TSPAN1: variants seen among roughly 807,000 people sequenced by gnomAD.
TSPAN1 encodes the protein tetraspanin-1.
TSPAN1 carries 23 observed loss-of-function variants against 26.9 expected under a neutral mutation model. That is an observed-to-expected ratio of 0.85 (90% CI 0.62 to 1.21). TSPAN1 has a LOEUF of 1.21. Ranked by LOEUF, TSPAN1 falls within the 50% of genes most tolerant of loss-of-function variation. TSPAN1 has a pLI of 0.00. For synonymous variants in TSPAN1, 115 were observed against 114.8 expected (o/e 1.00, Z -0.01); for missense variants, 283 against 298.4 (o/e 0.95, Z 0.38).
chr1:46,188,719 T>C (rs570689044), downstream of TSPAN1: 27 of 1,602,940 alleles, frequency 1.7e-5, no homozygotes, highest in East Asian at 5.8e-4. Flanking sequence ...AATGACCAAC[T>C]TATCCAGCTT....
At chr1:46,186,335 G>A (rs1263463371), downstream of TSPAN1, among the ~76,000 whole-genome samples, 4 of 152,018 alleles carry the variant, frequency 2.6e-5, no homozygotes, top group Non-Finnish European at 5.9e-5. Context: ...CCCTTCAGGA[G>A]CCCCCTTCCT....
chr1:46,194,225 G>A, the TSPAN1 span: 7 of 1,614,010 alleles, frequency 4.3e-6, no homozygotes, highest in South Asian at 1.1e-5. Context: ...GGGCCCCCCT[G>A]CTGAGCTGGG....
chr1:46,186,594 G>T (rs1557666483), downstream of TSPAN1, among the ~76,000 whole-genome samples: 1 of 145,590 alleles, frequency 6.9e-6, no homozygotes, highest in African/African-American at 2.6e-5. Context: ...GGTTCAAGCA[G>T]TTCTCCTGCC....
chr1:46,184,526 G>GA, intron 4 of TSPAN1, 68 bp from the exon 5 acceptor site: 2 of 1,605,746 alleles, frequency 1.2e-6, no homozygotes, highest in Admixed American at 3.3e-5. Flanking sequence ...TTCCGGGGGG[G>GA]GGATTAGGGC....
Position 46,184,396 on chromosome 1 carries a change from C to A in TSPAN1, c.263C>A (p.Thr88Lys). 6.2e-7 allele frequency: 1 copy of A among 1,614,018 alleles called. No homozygotes were observed. Residue 88 changes from threonine to lysine, a missense_variant and splice_region_variant, in exon 4 of 9, where the codon ACG (threonine) becomes AAG (lysine). Transcript: ENST00000372003. ...ACTGAGAGCAAGTGTGCCCTCGTGA[C>A]GGTGTGTGAAACCCAGCTCCACAGG... ...AKTESKCALV[T>K]FFFILLLIFI... is the part of the protein sequence containing the mutation.
chr1:46,191,056 T>C, the TSPAN1 span: 3 of 425,534 alleles, frequency 7.0e-6, no homozygotes, highest in Non-Finnish European at 1.3e-5. Flanking sequence ...TCCCTGCCTC[T>C]TGTAGTTCTC....
chr1:46,186,569 C>A (rs1366203867), downstream of TSPAN1, among the ~76,000 whole-genome samples: 3 of 148,560 alleles, frequency 2.0e-5, no homozygotes, highest in African/African-American at 5.0e-5. Flanking sequence ...CGGCTCACTG[C>A]GGACTCTGCC....
chr1:46,188,234 C>T (rs1657482107), downstream of TSPAN1, among the ~76,000 whole-genome samples: 1 of 152,212 alleles, frequency 6.6e-6, no homozygotes, highest in Admixed American at 6.5e-5. Context: ...ACATCTCCAT[C>T]TGCACCCTAG....
At chr1:46,189,180 C>T, downstream of TSPAN1, 1 of 1,534,742 alleles carries the variant, frequency 6.5e-7, no homozygotes, top group Middle Eastern at 1.8e-4. Flanking sequence ...CAGCCCCTAC[C>T]AGCATCTACA....
chr1:46,186,473 T>TTTTTC (rs1405043826), downstream of TSPAN1, among the ~76,000 whole-genome samples: 6 of 151,354 alleles, frequency 4.0e-5, no homozygotes, highest in East Asian at 1.9e-4. Flanking sequence ...ACCTCACCTC[T>TTTTTC]TTTTCTTTTC....
the TSPAN1 span, chr1:46,193,796 G>C: frequency 6.2e-7 from 1 of 1,608,642 alleles, no homozygotes; most frequent in Non-Finnish European, 8.5e-7. Context: ...TCCTCCTGGA[G>C]GTAGATGACC....
intron 1 of TSPAN1, among the ~76,000 whole-genome samples, chr1:46,178,272 G>A (rs144338326): frequency 0.021 from 3,233 of 151,716 alleles, 110 homozygotes; most frequent in African/African-American, 0.074. Context: ...CAGGAGAATC[G>A]CTTGAAACTG....
chr1:46,187,000 G>A (rs866783575), downstream of TSPAN1, among the ~76,000 whole-genome samples: 6 of 152,078 alleles, frequency 3.9e-5, no homozygotes, highest in African/African-American at 7.2e-5. Context: ...TAGAGACAGG[G>A]TTTCACCATG....
chr1:46,194,552 C>T, the TSPAN1 span: 4 of 1,614,058 alleles, frequency 2.5e-6, no homozygotes, highest in Non-Finnish European at 3.4e-6. Flanking sequence ...ACTAACTCCA[C>T]CTTCTGCTGA....
chr1:46,190,366 G>A, downstream of TSPAN1: 1 of 1,399,594 alleles, frequency 7.1e-7, no homozygotes, highest in Non-Finnish European at 1.0e-6. Flanking sequence ...TGTTTGAGAT[G>A]AGGGCCCTGA....
Position 46,185,036 on chromosome 1 carries a change from C to T in TSPAN1, c.515C>T (p.Pro172Leu). 1.9e-6 allele frequency: 3 copies of T among 1,614,184 alleles called. No individual in the cohort carries two copies. Among genetic ancestry groups the T allele is most frequent in the Non-Finnish European group, 2.5e-6 (3 of 1,180,034 alleles). ...TTCAAAGAGAACAGTGCCTTTCCCC[C>T]ATTCTGTTGCAATGACAACGTCACC... The part of the protein sequence containing the change: ...PYFKENSAFP[P>L]FCCNDNVTNT... The change falls in exon 7 of 9, where the codon CCA becomes CTA. Residue 172 changes from proline (P) to leucine (L), a missense_variant. Coordinates refer to ENST00000372003, the MANE Select transcript of TSPAN1 (RefSeq NM_005727.4).
chr1:46,190,573 G>GT, downstream of TSPAN1: 1 of 1,541,770 alleles, frequency 6.5e-7, no homozygotes, highest in Non-Finnish European at 9.0e-7. Context: ...GGTCCCATGG[G>GT]TAGCACTGAG....
the TSPAN1 span, chr1:46,195,725 A>C: frequency 1.7e-6 from 2 of 1,169,140 alleles, no homozygotes; most frequent in Non-Finnish European, 2.5e-6. Flanking sequence ...TCTTCCCACT[A>C]TGTTATATGA....
At chr1:46,179,592 C>G (rs1453223782) in intron 1 of TSPAN1, among the ~76,000 whole-genome samples, 1 of 152,172 alleles carries the variant, frequency 6.6e-6, no homozygotes, top group African/African-American at 2.4e-5. Flanking sequence ...GAAGCCAGGA[C>G]TTTTCCCCCG....
Sources: gnomAD v4.1 joint callset for allele counts (sites outside exome capture counted in the v4.1 genomes callset) on GRCh38, gnomAD v4.1.1 for gene constraint, MANE v1.5 for transcripts, NCBI Gene and HGNC (gene_info 2026-07-23, HGNC 2026-07-21) for gene names.